CMYA5: variants seen among roughly 807,000 people sequenced by gnomAD.
The protein encoded by CMYA5 is cardiomyopathy associated 5.
In CMYA5, 246 loss-of-function variants were observed where a neutral mutation model predicts 318.9. The ratio of observed to expected loss-of-function variants is 0.77; its 90% confidence interval spans 0.70 to 0.86. The LOEUF is 0.86. CMYA5 is among the 40% of genes least tolerant of loss of function. The probability of loss-of-function intolerance (pLI) is 0.00; values close to 1 mark genes in which losing one functional copy is unlikely to be tolerated. For missense variants in CMYA5, 4,589 were observed against 4,678.2 expected (o/e 0.98, Z 0.56); for synonymous variants, 1,641 against 1,729.5 (o/e 0.95, Z 1.27).
chr5:79,760,016 T>A (rs1828616929), intron 7 of CMYA5, among the ~76,000 whole-genome samples: 1 of 152,200 alleles, frequency 6.6e-6, no homozygotes. Flanking sequence ...TTGCAACTTG[T>A]ACATGACCGG....
intron 6 of CMYA5, among the ~76,000 whole-genome samples, chr5:79,756,677 C>G (rs1828536766): frequency 6.6e-6 from 1 of 152,152 alleles, no homozygotes; most frequent in South Asian, 2.1e-4. Context: ...ATCGCTGTTG[C>G]ATCTTCTCAG....
At chr5:79,784,919 T>C (rs1276198216) in intron 9 of CMYA5, among the ~76,000 whole-genome samples, 1 of 152,114 alleles carries the variant, frequency 6.6e-6, no homozygotes, top group Admixed American at 6.5e-5. Flanking sequence ...GAGCTGTTCC[T>C]ATTCGGCCAT....
At chr5:79,720,848 A>T (rs4704583) in intron 1 of CMYA5, among the ~76,000 whole-genome samples, 3 of 152,068 alleles carry the variant, frequency 2.0e-5, no homozygotes, top group African/African-American at 7.3e-5. Flanking sequence ...ACCAGAGGAA[A>T]TACTAAAGGG....
chr5:79,792,127 G>C (rs1032508074), intron 11 of CMYA5, among the ~76,000 whole-genome samples: 2 of 152,154 alleles, frequency 1.3e-5, no homozygotes, highest in African/African-American at 4.8e-5. Flanking sequence ...CCTAGTTCTG[G>C]CCAAGGCTTC....
Position 79,737,077 on chromosome 5 carries a change from A to G in CMYA5, c.8312A>G (p.Lys2771Arg), listed in dbSNP as rs1260037988. The G allele has an allele frequency of 6.2e-7, 1 of 1,613,788 alleles. No homozygotes were observed. Among genetic ancestry groups the G allele is most frequent in the Non-Finnish European group, 8.5e-7 (1 of 1,179,820 alleles). ...CAGTTCAAAGAGTCAGAGCTATGGAAAGGTGGTTCAGTAGATATCACAAAA... is the reference window on the plus strand; with the variant it reads ...CAGTTCAAAGAGTCAGAGCTATGGAGAGGTGGTTCAGTAGATATCACAAAA... ...KEQFKESELWKGGSVDITKES... is the reference protein window; with the variant it reads ...KEQFKESELWRGGSVDITKES... The change falls in exon 2 of 13, where the codon AAA becomes AGA. Residue 2771 changes from lysine (K) to arginine (R), a missense_variant. Lys to Arg is a conservative substitution (Grantham distance 26). Coordinates refer to ENST00000446378, the MANE Select transcript of CMYA5 (RefSeq NM_153610.5).
At chr5:79,789,427 TG>T (rs1829137824) in intron 10 of CMYA5, among the ~76,000 whole-genome samples, 1 of 84,762 alleles carries the variant, frequency 1.2e-5, no homozygotes, top group South Asian at 5.2e-4. Context: ...TCTCTCTAGA[TG>T]ATTTTTTTTT....
intron 1 of CMYA5, among the ~76,000 whole-genome samples, chr5:79,717,184 T>C (rs372207229): frequency 6.6e-6 from 1 of 152,222 alleles, no homozygotes; most frequent in Non-Finnish European, 1.5e-5. Context: ...TAGTTATACT[T>C]GTTATTGCTG....
rs916721326 is a variant in CMYA5, at chr5:79,736,147, A to G, written c.7382A>G (p.Glu2461Gly). ...CCAACTGAGAAGAAAGATAATTTGG[A>G]AAACAGATCATATACCTTGGCAGAA... ...VSPTEKKDNL[E>G]NRSYTLAEKK... The change falls in exon 2 of 13, where the codon GAA (glutamate) becomes GGA (glycine). Residue 2461 changes from glutamate (E) to glycine (G), a missense_variant. Glu to Gly is a moderately conservative substitution (Grantham distance 98). This residue lies in a region of CMYA5 where 2,431 missense variants were observed against 2,495.1 expected (regional missense o/e 0.97). Coordinates refer to ENST00000446378, the MANE Select transcript of CMYA5 (RefSeq NM_153610.5). 1 of 1,613,770 alleles carries G rather than the reference A, an allele frequency of 6.2e-7. No homozygotes were observed. The highest frequency in any genetic ancestry group is 1.3e-5 in the African/African-American group (1 of 75,038).
chr5:79,763,003 C>A, intron 8 of CMYA5, 59 bp from the exon 9 acceptor site: 1 of 1,553,106 alleles, frequency 6.4e-7, no homozygotes. Context: ...ACGTGCTTCT[C>A]AGGTCCCAGG....
chr5:79,751,755 G>A (rs959401896), intron 5 of CMYA5, among the ~76,000 whole-genome samples: 45 of 152,114 alleles, frequency 3.0e-4, no homozygotes, highest in Admixed American at 2.2e-3. Context: ...TGAAGCAGAC[G>A]GACAAAAACC....
chr5:79,704,713 G>A (rs906057179), intron 1 of CMYA5, among the ~76,000 whole-genome samples: 1 of 152,104 alleles, frequency 6.6e-6, no homozygotes, highest in African/African-American at 2.4e-5. Context: ...GAGAGAAAGA[G>A]GGAGAGAGAG....
At chr5:79,742,090 T>G in intron 2 of CMYA5, among the ~76,000 whole-genome samples, 1 of 115,516 alleles carries the variant, frequency 8.7e-6, no homozygotes, top group South Asian at 3.0e-4. Flanking sequence ...CTTCTTCTTC[T>G]TCTTCTTCTT....
chr5:79,732,240 A>G lies in CMYA5; in HGVS notation c.3475A>G (p.Ile1159Val), dbSNP rs201267833. The G allele has an allele frequency of 6.1e-4, 980 of 1,613,924 alleles. 12 individuals carry two copies. The South Asian group carries it at 9.9e-3, about 16-fold the overall frequency. ...TGCTGCTTTACCTGCACAATCATCTATAGTAAAGGAAGAAACCAAACCTGC... is the reference window on the plus strand; with the variant it reads ...TGCTGCTTTACCTGCACAATCATCTGTAGTAAAGGAAGAAACCAAACCTGC... Reference protein sequence around the residue: ...IPAALPAQSSIVKEETKPASP... With the variant: ...IPAALPAQSSVVKEETKPASP... Residue 1159 changes from isoleucine to valine, a missense_variant, in exon 2 of 13, where the codon ATA becomes GTA. Coordinates refer to ENST00000446378, the MANE Select transcript of CMYA5 (RefSeq NM_153610.5).
At position 79,736,394 on chromosome 5, in the gene CMYA5, T is replaced by G; in HGVS notation, c.7629T>G (p.Asn2543Lys). 6.2e-7 allele frequency: 1 copy of G among 1,611,310 alleles called. No homozygotes were observed. Among genetic ancestry groups the G allele is most frequent in the Non-Finnish European group, 8.5e-7 (1 of 1,178,638 alleles). The change falls in exon 2 of 13, where the codon AAT becomes AAG. Residue 2543 changes from asparagine (N) to lysine (K), a missense_variant. Coordinates refer to ENST00000446378, the MANE Select transcript of CMYA5 (RefSeq NM_153610.5). ...SEKEKGEEKE[N>K]QVYVLSEGKK... ...AGGAGAAAGGTGAAGAAAAAGAAAA[T>G]CAGGTATATGTGCTTTCAGAAGGAA...
rs773705799 is a variant in CMYA5, at chr5:79,733,105, C to T, written c.4340C>T (p.Ser1447Leu). The T allele has an allele frequency of 1.2e-6, 2 of 1,613,604 alleles. No homozygotes were observed. The highest frequency in any genetic ancestry group is 2.2e-5 in the East Asian group (1 of 44,880). ...SEAEKEIKFD[S>L]LPSVSSIAEH... ...GCAGAGAAGGAAATTAAATTTGATT[C>T]ACTTCCAAGTGTCTCCTCTATAGCA... The change falls in exon 2 of 13, where the codon TCA (serine) becomes TTA (leucine). Residue 1447 changes from serine to leucine, a missense_variant. Physicochemically the swap from Ser to Leu is moderately radical, Grantham distance 145 (BLOSUM62 -2). Coordinates refer to ENST00000446378, the MANE Select transcript of CMYA5 (RefSeq NM_153610.5).
intron 9 of CMYA5, among the ~76,000 whole-genome samples, chr5:79,777,412 T>A (rs1279178846): frequency 2.6e-5 from 4 of 152,308 alleles, no homozygotes; most frequent in East Asian, 3.9e-4. Flanking sequence ...CACTTTGCTT[T>A]CCTTGCTTAA....
Position 79,732,752 on chromosome 5 carries a change from T to C in CMYA5, c.3987T>C (p.His1329=), listed in dbSNP as rs746131742. 6.2e-7 allele frequency: 1 copy of C among 1,613,794 alleles called. No homozygotes were observed. Among genetic ancestry groups the C allele is most frequent in the Non-Finnish European group, 8.5e-7 (1 of 1,179,828 alleles). Reference sequence around the variant, plus strand: ...CAGGAGTGGAAAAGCAAGTTGAACATGGTCCACCTGCACTAGCATTTTCAG... The same window carrying C: ...CAGGAGTGGAAAAGCAAGTTGAACACGGTCCACCTGCACTAGCATTTTCAG... The part of the protein sequence containing the change: ...ASSGVEKQVE[H]GPPALAFSAL... Residue 1329 remains histidine, a synonymous_variant, in exon 2 of 13, where the codon CAT becomes CAC. Transcript: ENST00000446378.
chr5:79,766,667 G>C (rs183682258), intron 9 of CMYA5, among the ~76,000 whole-genome samples: 23 of 152,304 alleles, frequency 1.5e-4, no homozygotes, highest in Non-Finnish European at 7.3e-5. Context: ...ATTTGATTGT[G>C]GTGGATAAGC....
chr5:79,776,363 TG>T (rs532938552), intron 9 of CMYA5, among the ~76,000 whole-genome samples: 1 of 152,216 alleles, frequency 6.6e-6, no homozygotes, highest in South Asian at 2.1e-4. Context: ...TTTAACCAAG[TG>T]TTTCACCTTA....
Sources: allele counts gnomAD v4.1 joint callset (sites outside exome capture counted in the v4.1 genomes callset), GRCh38; gene constraint gnomAD v4.1.1; regional missense constraint gnomAD v4.1.1; transcripts MANE v1.5; gene names NCBI Gene and HGNC (gene_info 2026-07-23, HGNC 2026-07-21).